Variants in GLT1D1 observed in about 807,000 individuals in gnomAD.
GLT1D1 encodes glycosyltransferase 1 domain-containing protein 1.
A neutral mutation model predicts 28.7 loss-of-function variants in GLT1D1; 21 were observed. The observed-to-expected ratio is 0.73, with a 90% CI of 0.52 to 1.05. The LOEUF (loss-of-function observed/expected upper bound fraction) is 1.05. Ranked by LOEUF, GLT1D1 falls within the 50% of genes least tolerant of loss-of-function variation. GLT1D1 has a pLI of 0.00. For missense variants in GLT1D1, 343 were observed against 330.6 expected, an observed-to-expected ratio of 1.04 and a Z score of -0.29; for synonymous variants, 147 against 124.8, an observed-to-expected ratio of 1.18 and a Z score of -1.19.
intron 1 of GLT1D1, among the ~76,000 whole-genome samples, chr12:128,857,294 G>T (rs1844132564): frequency 6.6e-6 from 1 of 152,202 alleles, no homozygotes; most frequent in Admixed American, 6.5e-5. Flanking sequence ...AAGGAGGCGG[G>T]CAGGGTTTAT....
At chr12:128,974,650 G>A (rs908137387) in intron 7 of GLT1D1, among the ~76,000 whole-genome samples, 3 of 152,198 alleles carry the variant, frequency 2.0e-5, no homozygotes, top group African/African-American at 7.2e-5. Context: ...TGTTTGTCCT[G>A]CGTCACGGGA....
At chr12:128,865,856 A>G (rs193205065) in intron 1 of GLT1D1, among the ~76,000 whole-genome samples, 1 of 152,084 alleles carries the variant, frequency 6.6e-6, no homozygotes, top group East Asian at 1.9e-4. Flanking sequence ...AAAACCCAAA[A>G]AACCAAAAAC....
At chr12:128,904,623 C>CTTT (rs59189244) in intron 4 of GLT1D1, among the ~76,000 whole-genome samples, 4,702 of 137,942 alleles carry the variant, frequency 0.034, 375 homozygotes, top group African/African-American at 0.059. Context: ...TGAAAACAGT[C>CTTT]TTTTTTTTTT....
chr12:128,957,566 G>A lies in GLT1D1; in HGVS notation c.562G>A (p.Val188Ile), dbSNP rs372768363. The A allele has an allele frequency of 3.5e-5, 57 of 1,613,296 alleles. No individual in the cohort carries two copies. The highest frequency in any genetic ancestry group is 4.6e-5 in the Non-Finnish European group (54 of 1,179,444). ...CCAGGCAATGGATTTAGAAGTACCG[G>A]TATTGGCCAGGAACATCCCCGGGAA... The change falls in exon 7 of 8, where the codon GTA (valine) becomes ATA (isoleucine). Residue 188 changes from valine (V) to isoleucine (I), a missense_variant. By Grantham distance (29) the Val-to-Ile change is conservative (BLOSUM62 3). Transcript: ENST00000281703.
At chr12:128,887,654 T>C (rs542247923) in intron 2 of GLT1D1, among the ~76,000 whole-genome samples, 23 of 152,264 alleles carry the variant, frequency 1.5e-4, no homozygotes, top group African/African-American at 4.8e-4. Flanking sequence ...GCTGAATTCA[T>C]AGCAGTGGAA....
intron 7 of GLT1D1, among the ~76,000 whole-genome samples, chr12:128,958,748 CAAAAAAAAAAAA>C (rs71072431): frequency 2.8e-4 from 12 of 42,666 alleles, no homozygotes; most frequent in South Asian, 9.2e-4. Context: ...GACTCTGCCT[CAAAAAAAAAAAA>C]AAAAAAAAAA....
chr12:128,895,017 G>A (rs898274449), intron 3 of GLT1D1, among the ~76,000 whole-genome samples: 1 of 151,940 alleles, frequency 6.6e-6, no homozygotes, highest in Non-Finnish European at 1.5e-5. Context: ...GCTGATGCCT[G>A]TGTTCTTTTG....
At chr12:128,957,690 T>C in intron 7 of GLT1D1, 47 bp downstream of exon 11, 2 of 1,194,982 alleles carry the variant, frequency 1.7e-6, no homozygotes, top group Non-Finnish European at 2.5e-6. Flanking sequence ...ATCTGAATAG[T>C]TTTCCTCTAT....
At chr12:128,881,358 C>T (rs540019791) in intron 2 of GLT1D1, among the ~76,000 whole-genome samples, 1 of 148,546 alleles carries the variant, frequency 6.7e-6, no homozygotes, top group South Asian at 2.1e-4. Context: ...TGGTGAAGCC[C>T]CGTCTCTACT....
chr12:128,884,768 A>G lies in GLT1D1; in HGVS notation c.218-3871A>G, dbSNP rs561250265. Reference sequence around the variant, plus strand: ...TGCGGAGGCTGGAGTGAGCCAAGATAGCACCGCTGCACTCTAGCCTGGGTG... The same window carrying G: ...TGCGGAGGCTGGAGTGAGCCAAGATGGCACCGCTGCACTCTAGCCTGGGTG... On this transcript the variant is annotated intron_variant, in intron 2 of 7. Coordinates refer to ENST00000281703, the MANE Select transcript of GLT1D1 (RefSeq NM_144669.3). Among the ~76,000 whole-genome samples, 11 of 152,250 alleles carry G rather than the reference A, an allele frequency of 7.2e-5. No homozygotes were observed. In the East Asian group the frequency reaches 1.7e-3, roughly 24 times the overall value.
chr12:128,856,649 C>T (rs115586534), intron 1 of GLT1D1, among the ~76,000 whole-genome samples: 5 of 152,060 alleles, frequency 3.3e-5, no homozygotes, highest in Non-Finnish European at 4.4e-5. Flanking sequence ...GGTCACTGGA[C>T]TATAGAGAGT....
chr12:128,902,892 A>C (rs1870440900), intron 4 of GLT1D1, among the ~76,000 whole-genome samples: 1 of 151,290 alleles, frequency 6.6e-6, no homozygotes, highest in Non-Finnish European at 1.5e-5. Context: ...AAAATGCAAA[A>C]AATTAGCCGG....
intron 1 of GLT1D1, among the ~76,000 whole-genome samples, chr12:128,865,367 T>C (rs961876980): frequency 6.6e-6 from 1 of 152,234 alleles, no homozygotes; most frequent in Non-Finnish European, 1.5e-5. Flanking sequence ...ATTTATGGGA[T>C]ACCATGTGAT....
chr12:128,912,462 T>A lies in GLT1D1; in HGVS notation c.375+13175T>A. On this transcript the variant is annotated intron_variant, in intron 4 of 7. Coordinates refer to ENST00000281703, the MANE Select transcript of GLT1D1 (RefSeq NM_144669.3). ...GTAAGGTCTATGTCCAGAGTCAAGG[T>A]AAGATTTTTAAAATATTTATTTACT... The A allele has an allele frequency of 6.7e-7, 1 of 1,496,882 alleles. No homozygotes were observed. The highest frequency in any genetic ancestry group is 8.9e-7 in the Non-Finnish European group (1 of 1,118,042). The allele number at this position is 1,496,882 out of a possible 1,614,324, so 92.7% of individuals were successfully genotyped here. A position where few individuals can be genotyped will look rare whatever the true frequency, so the allele number is the denominator to read the frequency against.
intron 2 of GLT1D1, among the ~76,000 whole-genome samples, chr12:128,883,717 G>C (rs557764726): frequency 6.6e-6 from 1 of 152,048 alleles, no homozygotes; most frequent in Non-Finnish European, 1.5e-5. Context: ...AGACCCTTAC[G>C]TGGGTGGCTC....
chr12:128,854,951 A>G (rs1244199589), intron 1 of GLT1D1, among the ~76,000 whole-genome samples: 1 of 152,146 alleles, frequency 6.6e-6, no homozygotes, highest in Non-Finnish European at 1.5e-5. Context: ...TTCATGGTGC[A>G]GGTTTCTATT....
intron 7 of GLT1D1, among the ~76,000 whole-genome samples, chr12:128,980,356 C>T (rs916916655): frequency 3.9e-5 from 6 of 152,170 alleles, no homozygotes; most frequent in South Asian, 2.1e-4. Flanking sequence ...CAAACATTCA[C>T]GGTTCTCTTG....
intron 4 of GLT1D1, among the ~76,000 whole-genome samples, chr12:128,911,827 G>T (rs1315645687): frequency 6.6e-6 from 1 of 151,938 alleles, no homozygotes; most frequent in Admixed American, 6.6e-5. Flanking sequence ...GTCATGCAAG[G>T]GCCGCCTTTT....
At chr12:128,945,075 G>T in intron 4 of GLT1D1, 1 of 669,064 alleles carries the variant, frequency 1.5e-6, no homozygotes, top group Non-Finnish European at 2.7e-6. Context: ...GCAGCATGTT[G>T]TCCCGGAGCA....
Sources: gnomAD v4.1 joint callset for allele counts (sites outside exome capture counted in the v4.1 genomes callset) on GRCh38, gnomAD v4.1.1 for gene constraint, MANE v1.5 for transcripts, NCBI Gene and HGNC (gene_info 2026-07-23, HGNC 2026-07-21) for gene names.